The following KIF21A variants were observed in gnomAD, a reference collection of about 807,000 sequenced individuals.
KIF21A encodes kinesin-like protein KIF21A.
A neutral mutation model predicts 202.9 loss-of-function variants in KIF21A; 114 were observed. The observed-to-expected ratio is 0.56, with a 90% CI of 0.48 to 0.66. The LOEUF is 0.66. KIF21A is among the 30% of genes least tolerant of loss of function. The pLI is 0.00. For missense variants in KIF21A, 1,677 were observed against 1,994.9 expected (o/e 0.84, Z 3.04); for synonymous variants, 667 against 670.8 (o/e 0.99, Z 0.09).
At chr12:39,388,069 G>A (rs1242872032) in intron 1 of KIF21A, among the ~76,000 whole-genome samples, 2 of 152,128 alleles carry the variant, frequency 1.3e-5, no homozygotes, top group African/African-American at 4.8e-5. Flanking sequence ...TTGCATGTTT[G>A]TCTCCCACAA....
At chr12:39,316,111 G>T (rs1592098531) in intron 29 of KIF21A, 141 bp from the exon 30 acceptor site, 2 of 719,858 alleles carry the variant, frequency 2.8e-6, no homozygotes, top group South Asian at 1.5e-5. Context: ...TTTTCTACTT[G>T]CACTGGATAT....
At chr12:39,341,656 T>C in intron 13 of KIF21A, 34 bp from the exon 14 acceptor site, 1 of 1,568,050 alleles carries the variant, frequency 6.4e-7, no homozygotes, top group Non-Finnish European at 8.6e-7. Context: ...AATAGCACAA[T>C]ATTGGCAAAA....
chr12:39,337,541 A>G (rs1373062607), intron 16 of KIF21A: 2 of 246,264 alleles, frequency 8.1e-6, no homozygotes, highest in Non-Finnish European at 1.6e-5. Context: ...TCATCTATAA[A>G]ATGGAAATAA....
Position 39,305,742 on chromosome 12 carries a change from A to C in KIF21A, c.4443-804T>G, listed in dbSNP as rs74568181. On this transcript the variant is annotated intron_variant, in intron 34 of 37. Transcript: ENST00000361418. ...AAATCCACCTAAACATCAATCTGCTAAATGTCTGAATATGTGATAGGCATA... is the reference window on the plus strand; with the variant it reads ...AAATCCACCTAAACATCAATCTGCTCAATGTCTGAATATGTGATAGGCATA... Among the ~76,000 whole-genome samples, 479 of 152,356 alleles carry C rather than the reference A, an allele frequency of 3.1e-3. 5 individuals are homozygous for C. Among genetic ancestry groups the C allele is most frequent in the African/African-American group, 0.011 (471 of 41,580 alleles).
chr12:39,418,262 G>T (rs1459232657), intron 1 of KIF21A, among the ~76,000 whole-genome samples: 2 of 151,898 alleles, frequency 1.3e-5, no homozygotes, highest in South Asian at 2.1e-4. Flanking sequence ...ATTTTGTAAG[G>T]TCTAATCTAT....
chr12:39,406,000 AT>A (rs1214330523), intron 1 of KIF21A, among the ~76,000 whole-genome samples: 1 of 152,150 alleles, frequency 6.6e-6, no homozygotes, highest in East Asian at 1.9e-4. Flanking sequence ...GTCTTTGCAG[AT>A]TTCCTTTCTT....
chr12:39,304,394 G>C (rs1389078622), intron 35 of KIF21A, among the ~76,000 whole-genome samples: 1 of 152,160 alleles, frequency 6.6e-6, no homozygotes, highest in African/African-American at 2.4e-5. Flanking sequence ...CTCTAGACTT[G>C]AATTTCTAAT....
rs889052298 is a variant in KIF21A at position 39,442,450 on chromosome 12, TAGTC to T, written c.44+473_44+476del. On this transcript the variant is annotated intron_variant, in intron 1 of 37. Transcript: ENST00000361418. This position sits in a 1 kb window ranked among gnomAD's most constrained non-coding sequence, Gnocchi z 5.0. ...CGGGCCCTGCGGTCGCCGGCGCTGATAGTCAGATGCTTTGTCTCCTGCCTGGGAA... is the reference window on the plus strand; with the variant it reads ...CGGGCCCTGCGGTCGCCGGCGCTGATAGATGCTTTGTCTCCTGCCTGGGAA... 2.4e-4 allele frequency among the ~76,000 whole-genome samples: 37 copies of T among 152,180 alleles called. No individual in the cohort carries two copies. The highest frequency in any genetic ancestry group is 1.4e-3 in the Admixed American group (22 of 15,292).
At chr12:39,318,251 T>C (rs1447979857) in intron 28 of KIF21A, 50 bp from the exon 29 acceptor site, 7 of 1,581,938 alleles carry the variant, frequency 4.4e-6, no homozygotes, top group African/African-American at 2.7e-5. Flanking sequence ...GGTTATGATT[T>C]GTTAGAAAAG....
chr12:39,413,098 C>A (rs1257330261), intron 1 of KIF21A, among the ~76,000 whole-genome samples: 1 of 152,118 alleles, frequency 6.6e-6, no homozygotes, highest in Non-Finnish European at 1.5e-5. Flanking sequence ...TATAGCAAAT[C>A]TTTTAGGAAT....
intron 1 of KIF21A, among the ~76,000 whole-genome samples, chr12:39,380,882 T>G (rs946321392): frequency 1.3e-5 from 2 of 152,202 alleles, no homozygotes; most frequent in African/African-American, 4.8e-5. Flanking sequence ...TTTTTTCTTA[T>G]TACATTCCTA....
chr12:39,329,902 A>G (rs1008342605), intron 24 of KIF21A: 1 of 226,946 alleles, frequency 4.4e-6, no homozygotes, highest in Non-Finnish European at 8.8e-6. Context: ...GTTAATAGAT[A>G]TATTTAAAAA....
At chr12:39,388,291 ATC>A (rs1951093892) in intron 1 of KIF21A, among the ~76,000 whole-genome samples, 1 of 152,256 alleles carries the variant, frequency 6.6e-6, no homozygotes, top group East Asian at 1.9e-4. Flanking sequence ...TCACCATGTA[ATC>A]TCTGCATAAT....
intron 7 of KIF21A, among the ~76,000 whole-genome samples, chr12:39,358,819 G>A (rs1474149766): frequency 6.6e-6 from 1 of 152,148 alleles, no homozygotes; most frequent in African/African-American, 2.4e-5. Context: ...ATTGAAACAA[G>A]AAGAGTACTT....
At chr12:39,434,159 C>T (rs1938350527) in intron 1 of KIF21A, among the ~76,000 whole-genome samples, 1 of 152,180 alleles carries the variant, frequency 6.6e-6, no homozygotes, top group African/African-American at 2.4e-5. Context: ...GGCCTGCAGG[C>T]CTGCATCTGG....
intron 1 of KIF21A, among the ~76,000 whole-genome samples, chr12:39,440,298 G>C (rs1013712773): frequency 6.6e-6 from 1 of 152,152 alleles, no homozygotes; most frequent in Non-Finnish European, 1.5e-5. Context: ...CTTCCGCAGG[G>C]TTAATGGTTA....
At chr12:39,340,075 T>G in intron 16 of KIF21A, 90 bp downstream of exon 16, 1 of 1,015,942 alleles carries the variant, frequency 9.8e-7, no homozygotes. Flanking sequence ...TTATCGAATA[T>G]GGAAAGAACC....
At chr12:39,375,412 A>G (rs1356822858) in intron 1 of KIF21A, among the ~76,000 whole-genome samples, 1 of 152,162 alleles carries the variant, frequency 6.6e-6, no homozygotes, top group Non-Finnish European at 1.5e-5. Context: ...TGCAAGACCC[A>G]GACTGCTCTT....
chr12:39,443,040 G>A lies in KIF21A; in HGVS notation c.-70C>T, dbSNP rs903262098. 2 of 1,468,294 alleles carry A rather than the reference G, an allele frequency of 1.4e-6. No homozygotes were observed. The highest frequency in any genetic ancestry group is 1.5e-5 in the African/African-American group (1 of 68,064). 91.0% of individuals were successfully genotyped at this position (1,468,294 alleles called of 1,614,324 possible). The stretch of plus-strand genomic sequence containing the variant: ...GAGCTGAGGCGCCACTGGGGCCGCG[G>A]GACTCGGGCGCAGTAGGCTGGGGCG... On this transcript the variant is annotated 5_prime_UTR_variant, in exon 1 of 38. Transcript: ENST00000361418.
Sources: allele counts gnomAD v4.1 joint callset (sites outside exome capture counted in the v4.1 genomes callset), GRCh38; gene constraint gnomAD v4.1.1; non-coding constraint Gnocchi (gnomAD v3.1); transcripts MANE v1.5; gene names NCBI Gene and HGNC (gene_info 2026-07-23, HGNC 2026-07-21).